The following GALNT10 variants were observed in gnomAD, a reference collection of about 807,000 sequenced individuals.
The protein encoded by GALNT10 is GalNAc transferase 10.
A neutral mutation model predicts 75.0 loss-of-function variants in GALNT10; 41 were observed. That is an observed-to-expected ratio of 0.55 (90% CI 0.43 to 0.71). GALNT10 has a LOEUF of 0.71. GALNT10 is among the 30% of genes least tolerant of loss of function. The pLI is 0.00. For missense variants in GALNT10, 727 were observed against 818.5 expected (o/e 0.89, Z 1.36); for synonymous variants, 302 against 313.0 (o/e 0.96, Z 0.37).
intron 1 of GALNT10, among the ~76,000 whole-genome samples, chr5:154,210,712 TA>T (rs771613539): frequency 3.3e-5 from 5 of 152,322 alleles, no homozygotes; most frequent in African/African-American, 1.2e-4. Flanking sequence ...AAAAAAGGAA[TA>T]AACCATCTTG....
intron 3 of GALNT10, among the ~76,000 whole-genome samples, chr5:154,323,114 T>C (rs1437469505): frequency 6.6e-6 from 1 of 152,222 alleles, no homozygotes; most frequent in East Asian, 1.9e-4. Context: ...AAACTTTTTC[T>C]GTAACGGGCC....
rs79391870 is a variant in GALNT10 at position 154,221,625 on chromosome 5, G to T, written c.159+30600G>T. ...ACTTTCACAGTGAACACAGGAAAAG[G>T]AAAAAAAACCACAGGAATGCAACCT... On this transcript the variant is annotated intron_variant, in intron 1 of 11. Transcript: ENST00000297107. Among the ~76,000 whole-genome samples, 3 of 20,132 alleles carry T rather than the reference G, an allele frequency of 1.5e-4. No individual in the cohort carries two copies. The South Asian group carries it at 4.6e-3, about 31-fold the overall frequency. The allele number at this position is 20,132 out of a possible 152,430, so 13.2% of individuals were successfully genotyped here.
chr5:154,194,575 A>G (rs1774907323), intron 1 of GALNT10, among the ~76,000 whole-genome samples: 1 of 152,218 alleles, frequency 6.6e-6, no homozygotes, highest in South Asian at 2.1e-4. Context: ...GCCTGGGAAC[A>G]GAGACCTGGC....
intron 1 of GALNT10, among the ~76,000 whole-genome samples, chr5:154,252,399 A>T (rs1161241297): frequency 1.3e-5 from 2 of 152,162 alleles, no homozygotes; most frequent in African/African-American, 2.4e-5. Flanking sequence ...GTACTTAGAT[A>T]TTGATAACAG....
At chr5:154,345,266 A>G (rs1052083565) in intron 4 of GALNT10, among the ~76,000 whole-genome samples, 16 of 152,154 alleles carry the variant, frequency 1.1e-4, no homozygotes, top group Non-Finnish European at 1.6e-4. Flanking sequence ...CAAGCTAATT[A>G]ATGTGTTCAT....
intron 1 of GALNT10, among the ~76,000 whole-genome samples, chr5:154,204,428 A>G (rs562941436): frequency 1.3e-5 from 2 of 152,194 alleles, no homozygotes; most frequent in South Asian, 2.1e-4. Context: ...CCAAGTACAC[A>G]TTTGCAAGGG....
In GALNT10 at chr5:154,270,674, C is replaced by A. The variant is rs189024737; in HGVS notation, c.160-24142C>A. Among the ~76,000 whole-genome samples the A allele has an allele frequency of 1.1e-3, 162 of 152,230 alleles. 1 individual carries two copies. In the South Asian group the frequency reaches 0.014, roughly 13 times the overall value. ...TGAAGAGACTGAGGCCTGGTCATTA[C>A]ACACCATGTTCAGGGTCACTTGTGA... is the stretch of plus-strand genomic sequence containing the variant. On this transcript the variant is annotated intron_variant, in intron 1 of 11. Transcript: ENST00000297107.
At position 154,298,434 on chromosome 5, in the gene GALNT10, C is replaced by A. The variant is rs1024464813; in HGVS notation, c.401+355C>A. Among the ~76,000 whole-genome samples the A allele has an allele frequency of 2.6e-5, 4 of 151,952 alleles. No homozygotes were observed. Among genetic ancestry groups the A allele is most frequent in the African/African-American group, 9.7e-5 (4 of 41,276 alleles). ...GTTTTTATTTCTTTTTAAAAAAAAT[C>A]TTTCTATATATTTGTATCTTTGTTA... On this transcript the variant is annotated intron_variant, in intron 3 of 11. Coordinates refer to ENST00000297107, the MANE Select transcript of GALNT10 (RefSeq NM_198321.4). The surrounding 1 kb of genome is among the most constrained non-coding windows in gnomAD (Gnocchi z 4.1).
At chr5:154,250,240 C>T (rs1163221801) in intron 1 of GALNT10, among the ~76,000 whole-genome samples, 1 of 152,044 alleles carries the variant, frequency 6.6e-6, no homozygotes, top group Non-Finnish European at 1.5e-5. Context: ...CCACTGATGG[C>T]ATGGAAACTA....
rs1754320355 is a variant in GALNT10 at position 154,298,788 on chromosome 5, G to A, written c.401+709G>A. ...CAGTAAGGGTCATTGTGGTGATGAT[G>A]GTGATTTTCTGGTAGAGCCGTTCTT... On this transcript the variant is annotated intron_variant, in intron 3 of 11. Coordinates refer to ENST00000297107, the MANE Select transcript of GALNT10 (RefSeq NM_198321.4). The surrounding 1 kb of genome is among the most constrained non-coding windows in gnomAD (Gnocchi z 4.1). 6.6e-6 allele frequency among the ~76,000 whole-genome samples: 1 copy of A among 152,148 alleles called. No homozygotes were observed. The highest frequency in any genetic ancestry group is 2.4e-5 in the African/African-American group (1 of 41,428).
At chr5:154,223,653 C>T (rs566242734) in intron 1 of GALNT10, among the ~76,000 whole-genome samples, 6 of 152,294 alleles carry the variant, frequency 3.9e-5, no homozygotes, top group Non-Finnish European at 5.9e-5. Flanking sequence ...GGTGCAGTGG[C>T]TCACACCTGT....
At chr5:154,362,666 C>G (rs1755411646) in intron 4 of GALNT10, among the ~76,000 whole-genome samples, 1 of 152,122 alleles carries the variant, frequency 6.6e-6, no homozygotes, top group African/African-American at 2.4e-5. Context: ...GGAGGGGGGT[C>G]TTCGAGGCTA....
chr5:154,228,554 C>G (rs1753096907), intron 1 of GALNT10, among the ~76,000 whole-genome samples: 1 of 152,208 alleles, frequency 6.6e-6, no homozygotes, highest in Non-Finnish European at 1.5e-5. Context: ...CTCCCAGGTA[C>G]TCTGATTATG....
Position 154,376,306 on chromosome 5 carries a change from A to G in GALNT10, c.598A>G (p.Met200Val), listed in dbSNP as rs751467853. 1.9e-5 allele frequency: 31 copies of G among 1,612,826 alleles called. No individual in the cohort carries two copies. Among genetic ancestry groups the G allele is most frequent in the Middle Eastern group, 1.7e-4 (1 of 6,054 alleles). ...CCTGAAGAAGCCTCTTGAAGACTAC[A>G]TGGCCCTTTTCCCCAGTGTGAGGAT... ...EHLKKPLEDY[M>V]ALFPSVRILR... Residue 200 changes from methionine (M) to valine (V), a missense_variant, in exon 5 of 12, where the codon ATG (methionine) becomes GTG (valine). Physicochemically the swap from Met to Val is conservative, Grantham distance 21 (BLOSUM62 1). Coordinates refer to ENST00000297107, the MANE Select transcript of GALNT10 (RefSeq NM_198321.4). The surrounding 1 kb of genome is among the most constrained non-coding windows in gnomAD (Gnocchi z 4.1).
chr5:154,373,761 A>G (rs1298893132), intron 4 of GALNT10, among the ~76,000 whole-genome samples: 2 of 152,202 alleles, frequency 1.3e-5, no homozygotes, highest in African/African-American at 4.8e-5. Context: ...GCTGTCTAAT[A>G]AGGACAAGAG....
At chr5:154,202,561 A>G (rs1484141410) in intron 1 of GALNT10, among the ~76,000 whole-genome samples, 1 of 152,190 alleles carries the variant, frequency 6.6e-6, no homozygotes, top group Non-Finnish European at 1.5e-5. Context: ...TCCCAGGCCT[A>G]TACAAGAAAC....
At chr5:154,223,005 A>G (rs554950539) in intron 1 of GALNT10, among the ~76,000 whole-genome samples, 8 of 152,346 alleles carry the variant, frequency 5.3e-5, no homozygotes, top group African/African-American at 1.9e-4. Flanking sequence ...AAACCTTAAG[A>G]ATCCCGTGGA....
intron 7 of GALNT10, chr5:154,388,787 G>A (rs1448110530): frequency 2.0e-5 from 3 of 149,918 alleles, no homozygotes; most frequent in South Asian, 4.2e-4. Context: ...TAAGTCGGAA[G>A]TGGCAAATAG....
At chr5:154,262,740 C>A (rs1190312212) in intron 1 of GALNT10, among the ~76,000 whole-genome samples, 1 of 152,138 alleles carries the variant, frequency 6.6e-6, no homozygotes, top group Non-Finnish European at 1.5e-5. Flanking sequence ...CCCTCAAGAC[C>A]CTCAAGTTGT....
Sources: allele counts gnomAD v4.1 joint callset (sites outside exome capture counted in the v4.1 genomes callset), GRCh38; gene constraint gnomAD v4.1.1; non-coding constraint Gnocchi (gnomAD v3.1); transcripts MANE v1.5; gene names NCBI Gene and HGNC (gene_info 2026-07-23, HGNC 2026-07-21).